The following MREG variants were observed in gnomAD, a reference collection of about 807,000 sequenced individuals.
MREG encodes the protein dilute suppressor protein homolog.
MREG carries 31 observed loss-of-function variants against 28.5 expected under a neutral mutation model. That is an observed-to-expected ratio of 1.09 (90% CI 0.82 to 1.47). The LOEUF is 1.47. Among genes scored for constraint, MREG ranks in the 40% most tolerant of loss-of-function variants. MREG has a pLI of 0.00. For synonymous variants in MREG, 106 were observed against 95.2 expected (o/e 1.11, Z -0.66); for missense variants, 256 against 257.4 (o/e 0.99, Z 0.04).
intron 1 of MREG, among the ~76,000 whole-genome samples, chr2:216,012,413 A>G (rs186859246): frequency 1.6e-4 from 24 of 152,336 alleles, no homozygotes; most frequent in Admixed American, 1.5e-3. Context: ...CGTGAGTTTC[A>G]TACTTCAAAA....
At chr2:216,011,195 A>G (rs188240235) in intron 1 of MREG, among the ~76,000 whole-genome samples, 1 of 152,324 alleles carries the variant, frequency 6.6e-6, no homozygotes, top group African/African-American at 2.4e-5. Flanking sequence ...AATCAACTAA[A>G]AAAAAGTTTT....
intron 4 of MREG, 27 bp from the exon 5 acceptor site, chr2:215,945,024 A>C (rs879220047): frequency 1.3e-6 from 2 of 1,548,228 alleles, no homozygotes; most frequent in South Asian, 2.4e-5. Context: ...CAAACCAAAA[A>C]ACTGCTGGCA....
chr2:216,001,337 C>T (rs1694008487), intron 1 of MREG, among the ~76,000 whole-genome samples: 1 of 152,176 alleles, frequency 6.6e-6, no homozygotes, highest in Admixed American at 6.5e-5. Context: ...GCAGTATTCC[C>T]CTAACAAGCC....
intron 1 of MREG, among the ~76,000 whole-genome samples, chr2:216,031,781 C>T (rs1257829804): frequency 6.6e-6 from 1 of 152,170 alleles, no homozygotes; most frequent in African/African-American, 2.4e-5. Context: ...ACCAGCCTAC[C>T]TCCACTTCAC....
At chr2:215,967,098 A>G (rs999286647) in intron 2 of MREG, among the ~76,000 whole-genome samples, 18 of 152,186 alleles carry the variant, frequency 1.2e-4, no homozygotes, top group African/African-American at 3.1e-4. Context: ...ACTGGTTAAC[A>G]TATTTGTTTA....
chr2:216,010,961 T>A (rs2106034037), intron 1 of MREG, among the ~76,000 whole-genome samples: 2 of 151,840 alleles, frequency 1.3e-5, no homozygotes, highest in South Asian at 4.2e-4. Context: ...CCGGGCGCAG[T>A]GGCCGGCACC....
chr2:215,970,050 G>A (rs1229045901), intron 2 of MREG, among the ~76,000 whole-genome samples: 1 of 152,070 alleles, frequency 6.6e-6, no homozygotes, highest in Non-Finnish European at 1.5e-5. Context: ...TTGACTCCCC[G>A]CAAAATTGGT....
intron 2 of MREG, among the ~76,000 whole-genome samples, chr2:215,973,933 C>G (rs1693173526): frequency 6.6e-6 from 1 of 152,196 alleles, no homozygotes; most frequent in Admixed American, 6.5e-5. Flanking sequence ...TTGTGGCCTC[C>G]TGCTGCAAAA....
intron 2 of MREG, among the ~76,000 whole-genome samples, chr2:215,994,371 AGGGACACG>A (rs1693803078): frequency 6.6e-6 from 1 of 151,240 alleles, no homozygotes. Context: ...ATGAGAACAC[AGGGACACG>A]GGGAGGGGAA....
At chr2:215,951,140 G>A (rs1300459918) in intron 2 of MREG, among the ~76,000 whole-genome samples, 1 of 152,166 alleles carries the variant, frequency 6.6e-6, no homozygotes, top group Non-Finnish European at 1.5e-5. Flanking sequence ...GGAACTGTGA[G>A]TCAATTAAAC....
chr2:215,948,881 C>T (rs1692389453), intron 2 of MREG, among the ~76,000 whole-genome samples: 1 of 152,022 alleles, frequency 6.6e-6, no homozygotes, highest in Non-Finnish European at 1.5e-5. Context: ...GGTCCACATG[C>T]TCCTCCAAAT....
rs1422900610 is a variant in MREG, at chr2:216,013,268, C to T, written c.60G>A (p.Glu20=). 3 of 1,549,878 alleles carry T rather than the reference C, an allele frequency of 1.9e-6. No individual in the cohort carries two copies. The highest frequency in any genetic ancestry group is 2.6e-6 in the Non-Finnish European group (3 of 1,146,742). ...GCTCCTTCTCAGGCAGGGCGCGCTC[C>T]TCCAAGCACTCGCACCCGCAGCAGC... ...VCCCCGCECL[E]ERALPEKEPL... Residue 20 remains glutamate, a synonymous_variant, in exon 1 of 5, where the codon GAG becomes GAA. Transcript: ENST00000263268.
At chr2:216,004,745 G>A (rs1271677380) in intron 1 of MREG, among the ~76,000 whole-genome samples, 1 of 152,034 alleles carries the variant, frequency 6.6e-6, no homozygotes, top group African/African-American at 2.4e-5. Flanking sequence ...TATGAAAATT[G>A]GCCTTACAGT....
At chr2:215,949,392 T>A (rs1379214996) in intron 2 of MREG, among the ~76,000 whole-genome samples, 1 of 151,468 alleles carries the variant, frequency 6.6e-6, no homozygotes, top group Non-Finnish European at 1.5e-5. Context: ...AAACCCCGTC[T>A]CTACTAAAAA....
chr2:215,975,703 T>C (rs1693238017), intron 2 of MREG, among the ~76,000 whole-genome samples: 1 of 152,206 alleles, frequency 6.6e-6, no homozygotes, highest in Non-Finnish European at 1.5e-5. Context: ...AAATAATGCA[T>C]CAAGAAAATG....
intron 2 of MREG, among the ~76,000 whole-genome samples, chr2:215,960,187 C>T (rs921114706): frequency 6.6e-6 from 1 of 152,172 alleles, no homozygotes; most frequent in South Asian, 2.1e-4. Context: ...GAACTCCTGA[C>T]CTCACGATCC....
At chr2:215,972,146 T>A (rs796370108) in intron 2 of MREG, among the ~76,000 whole-genome samples, 2 of 152,238 alleles carry the variant, frequency 1.3e-5, no homozygotes, top group African/African-American at 4.8e-5. Flanking sequence ...TTCCTAGGAA[T>A]CCTGGATCCC....
Position 215,944,768 on chromosome 2 carries a change from C to CT in MREG, c.*94dup. On this transcript the variant is annotated 3_prime_UTR_variant, in exon 5 of 5. Transcript: ENST00000263268. ...AGTATCATTTTTCACTAAGCAAACTCTATTTGCTCACTCTCTTCTACATGT... is the reference window on the plus strand; with the variant it reads ...AGTATCATTTTTCACTAAGCAAACTCTTATTTGCTCACTCTCTTCTACATGT... 7.9e-7 allele frequency: 1 copy of CT among 1,265,400 alleles called. No individual in the cohort carries two copies. Among genetic ancestry groups the CT allele is most frequent in the Non-Finnish European group, 1.1e-6 (1 of 930,096 alleles). 78.4% of individuals were successfully genotyped at this position (1,265,400 alleles called of 1,614,324 possible). A position where few individuals can be genotyped will look rare whatever the true frequency, so the allele number is the denominator to read the frequency against.
intron 1 of MREG, among the ~76,000 whole-genome samples, chr2:216,031,699 A>AAGAGAGAGAGAG: frequency 7.8e-6 from 1 of 127,616 alleles, no homozygotes; most frequent in African/African-American, 2.8e-5. Context: ...AAGAGAAAGA[A>AAGAGAGAGAGAG]AGAAAGAAAG....
Sources: gnomAD v4.1 joint callset for allele counts (sites outside exome capture counted in the v4.1 genomes callset) on GRCh38, gnomAD v4.1.1 for gene constraint, MANE v1.5 for transcripts, NCBI Gene and HGNC (gene_info 2026-07-23, HGNC 2026-07-21) for gene names.